Variants in ANKRD18A observed in about 807,000 individuals in gnomAD.
The protein encoded by ANKRD18A is ankyrin repeat domain-containing protein 18A.
In ANKRD18A, 72 loss-of-function variants were observed where a neutral mutation model predicts 110.6. The observed-to-expected ratio is 0.65, with a 90% CI of 0.54 to 0.79. The LOEUF is 0.79. Ranked by LOEUF, ANKRD18A falls within the 30% of genes least tolerant of loss-of-function variation. ANKRD18A has a pLI of 0.00. For synonymous variants in ANKRD18A, 305 were observed against 410.3 expected, an observed-to-expected ratio of 0.74 and a Z score of 3.10; for missense variants, 934 against 1,163.3, an observed-to-expected ratio of 0.80 and a Z score of 2.87.
chr9:38,611,089 C>A, intron 4 of ANKRD18A, 126 bp downstream of exon 4: 2 of 1,424,142 alleles, frequency 1.4e-6, no homozygotes, highest in Non-Finnish European at 1.8e-6. Flanking sequence ...ATTCATGTTA[C>A]TTTTTACTAT....
At chr9:38,568,803 C>T, downstream of ANKRD18A, 1 of 985,150 alleles carries the variant, frequency 1.0e-6, no homozygotes, top group Non-Finnish European at 1.2e-6. Flanking sequence ...GCTGGGGGGA[C>T]CATAGTGCCC....
At chr9:38,613,036 T>C (rs1412942605) in intron 3 of ANKRD18A, among the ~76,000 whole-genome samples, 2 of 152,060 alleles carry the variant, frequency 1.3e-5, no homozygotes, top group African/African-American at 2.4e-5. Flanking sequence ...CTATAGACTA[T>C]ATATTATGAA....
At position 38,571,687 on chromosome 9, in the gene ANKRD18A, A is replaced by G. The variant is rs1823649406; in HGVS notation, c.*358T>C. On this transcript the variant is annotated 3_prime_UTR_variant, in exon 16 of 16. Transcript: ENST00000399703. The stretch of plus-strand genomic sequence containing the variant: ...GATGACCTTTACTAAAGTATCAATG[A>G]TGACTTGGTTGTTTGGCTGTTTAAA... The G allele has an allele frequency of 9.7e-7, 1 of 1,032,478 alleles. No homozygotes were observed. The highest frequency in any genetic ancestry group is 5.6e-5 in the Admixed American group (1 of 17,774). 64.0% of individuals were successfully genotyped at this position (1,032,478 alleles called of 1,614,324 possible). A position where few individuals can be genotyped will look rare whatever the true frequency, so the allele number is the denominator to read the frequency against.
Position 38,577,097 on chromosome 9 carries a change from T to G in ANKRD18A, c.2697A>C (p.Ala899=), listed in dbSNP as rs1823926923. 1.3e-6 allele frequency: 2 copies of G among 1,549,134 alleles called. No individual in the cohort carries two copies. The highest frequency in any genetic ancestry group is 8.7e-7 in the Non-Finnish European group (1 of 1,146,268). The part of the protein sequence containing the change: ...TELEEFKEAF[A]GAVKANNSMS... Reference sequence around the variant, plus strand: ...TGGAATTGTTAGCTTTCACTGCTCCTGCAAAGGCTTCCTTAAATTCTTCTA... The same window carrying G: ...TGGAATTGTTAGCTTTCACTGCTCCGGCAAAGGCTTCCTTAAATTCTTCTA... Residue 899 remains alanine (A), a synonymous_variant, in exon 14 of 16, where the codon GCA becomes GCC. Coordinates refer to ENST00000399703, the MANE Select transcript of ANKRD18A (RefSeq NM_147195.4).
chr9:38,570,514 A>G (rs1467860224), downstream of ANKRD18A, among the ~76,000 whole-genome samples: 2 of 152,182 alleles, frequency 1.3e-5, no homozygotes, highest in Non-Finnish European at 1.5e-5. Context: ...TAGGCTTCCA[A>G]TGACTAGGTC....
At chr9:38,570,124 T>C (rs1823586639), downstream of ANKRD18A, among the ~76,000 whole-genome samples, 1 of 151,996 alleles carries the variant, frequency 6.6e-6, no homozygotes, top group Non-Finnish European at 1.5e-5. Flanking sequence ...CACTCCCCCA[T>C]TGACCAGGCC....
intron 12 of ANKRD18A, among the ~76,000 whole-genome samples, chr9:38,579,535 GA>G (rs1181250130): frequency 6.6e-6 from 1 of 151,276 alleles, no homozygotes; most frequent in Non-Finnish European, 1.5e-5. Flanking sequence ...TTTTTTAAGA[GA>G]AAAAAAAGAA....
At chr9:38,573,379 T>C (rs1823737408) in intron 15 of ANKRD18A, among the ~76,000 whole-genome samples, 1 of 152,184 alleles carries the variant, frequency 6.6e-6, no homozygotes, top group Admixed American at 6.5e-5. Context: ...TATTGGTCTA[T>C]TGGATATACA....
At chr9:38,593,080 C>A (rs867915091) in intron 10 of ANKRD18A, among the ~76,000 whole-genome samples, 79 of 152,304 alleles carry the variant, frequency 5.2e-4, no homozygotes, top group Middle Eastern at 3.4e-3. Context: ...AATGGTTGAA[C>A]TGTCTGACAT....
intron 12 of ANKRD18A, among the ~76,000 whole-genome samples, chr9:38,583,982 G>A (rs1371513367): frequency 1.3e-5 from 2 of 152,218 alleles, no homozygotes. Context: ...CAGACTGGAG[G>A]CCCACATGCA....
At chr9:38,608,351 G>A (rs1825448294) in intron 5 of ANKRD18A, among the ~76,000 whole-genome samples, 1 of 151,844 alleles carries the variant, frequency 6.6e-6, no homozygotes, top group African/African-American at 2.4e-5. Context: ...ACAAGACAAA[G>A]CCCTGCTTGT....
chr9:38,600,796 A>T (rs1208641615), intron 8 of ANKRD18A, among the ~76,000 whole-genome samples: 2 of 152,152 alleles, frequency 1.3e-5, no homozygotes, highest in African/African-American at 4.8e-5. Flanking sequence ...TCACCGTTCA[A>T]TTGCTCATCA....
At chr9:38,583,690 C>A (rs1274489595) in intron 12 of ANKRD18A, among the ~76,000 whole-genome samples, 1 of 152,138 alleles carries the variant, frequency 6.6e-6, no homozygotes, top group East Asian at 1.9e-4. Flanking sequence ...ACCTGGCCTA[C>A]AGCAGCATTA....
chr9:38,571,794 G>A lies in ANKRD18A; in HGVS notation c.*251C>T. On this transcript the variant is annotated 3_prime_UTR_variant, in exon 16 of 16. Coordinates refer to ENST00000399703, the MANE Select transcript of ANKRD18A (RefSeq NM_147195.4). ...GCAAGATCCACTTAAAACTTAAGGAGGCTAAAAAACATCATTTAAAATAAC... is the reference window on the plus strand; with the variant it reads ...GCAAGATCCACTTAAAACTTAAGGAAGCTAAAAAACATCATTTAAAATAAC... The A allele has an allele frequency of 2.6e-6, 3 of 1,135,590 alleles. No homozygotes were observed. The highest frequency in any genetic ancestry group is 3.3e-6 in the Non-Finnish European group (3 of 922,850). The allele number at this position is 1,135,590 out of a possible 1,614,324, so 70.3% of individuals were successfully genotyped here.
At chr9:38,615,908 G>A (rs1825833397) in intron 2 of ANKRD18A, 22 bp downstream of exon 2, 1 of 1,537,838 alleles carries the variant, frequency 6.5e-7, no homozygotes, top group East Asian at 2.4e-5. Context: ...ATTTCATGCT[G>A]AAAGAGTTGG....
chr9:38,609,830 A>C (rs1825526104), intron 5 of ANKRD18A, among the ~76,000 whole-genome samples: 1 of 152,066 alleles, frequency 6.6e-6, no homozygotes, highest in Admixed American at 6.5e-5. Flanking sequence ...TTCAAGACCC[A>C]ATAACTAATT....
chr9:38,599,883 C>T (rs1825048314), intron 8 of ANKRD18A, among the ~76,000 whole-genome samples: 1 of 152,112 alleles, frequency 6.6e-6, no homozygotes, highest in Non-Finnish European at 1.5e-5. Context: ...AATTAATTTG[C>T]TTCTTTTGTT....
intron 6 of ANKRD18A, chr9:38,604,164 C>T (rs955961295): frequency 8.6e-5 from 13 of 150,540 alleles, no homozygotes; most frequent in African/African-American, 2.4e-4. Context: ...TGGGCATGGT[C>T]GCATGTGCCT....
rs956098871 is a variant in ANKRD18A, at chr9:38,610,406, C to T, written c.607G>A (p.Ala203Thr). 35 of 1,540,956 alleles carry T rather than the reference C, an allele frequency of 2.3e-5. No individual in the cohort carries two copies. The highest frequency in any genetic ancestry group is 3.1e-5 in the Non-Finnish European group (35 of 1,144,188). The change falls in exon 5 of 16, where the codon GCC becomes ACC. Residue 203 changes from alanine (A) to threonine (T), a missense_variant. Physicochemically the swap from Ala to Thr is moderately conservative, Grantham distance 58 (BLOSUM62 0). Around this residue, in one of 4 missense-constraint regions of ANKRD18A, gnomAD observed 630 missense variants for 797.5 expected, o/e 0.79. Coordinates refer to ENST00000399703, the MANE Select transcript of ANKRD18A (RefSeq NM_147195.4). ...IHAVDNFKRT[A>T]LILAVQHNLS... ...TTATGCTGTACTGCAAGTATGAGGGCTGTTCTAAAATAATAAAGAAATAAC... is the reference window on the plus strand; with the variant it reads ...TTATGCTGTACTGCAAGTATGAGGGTTGTTCTAAAATAATAAAGAAATAAC...
Sources: allele counts gnomAD v4.1 joint callset (sites outside exome capture counted in the v4.1 genomes callset), GRCh38; gene constraint gnomAD v4.1.1; regional missense constraint gnomAD v4.1.1; transcripts MANE v1.5; gene names NCBI Gene and HGNC (gene_info 2026-07-23, HGNC 2026-07-21).